The following PHF8 variants were observed in gnomAD, a reference collection of about 807,000 sequenced individuals.
PHF8 encodes histone lysine demethylase PHF8.
PHF8 carries 9 observed loss-of-function variants against 74.4 expected under a neutral mutation model. The observed-to-expected ratio is 0.12, with a 90% confidence interval of 0.07 to 0.21. The LOEUF (loss-of-function observed/expected upper bound fraction) is 0.21. PHF8 is among the 10% of genes least tolerant of loss of function. PHF8 has a pLI of 1.00. For synonymous variants in PHF8, 311 were observed against 316.6 expected, an observed-to-expected ratio of 0.98 and a Z score of 0.19; for missense variants, 478 against 816.6, an observed-to-expected ratio of 0.59 and a Z score of 5.05.
chrX:53,990,366 A>C (rs1448577125), intron 14 of PHF8, among the ~76,000 whole-genome samples: 5 of 111,120 alleles, frequency 4.5e-5, no homozygotes, highest in African/African-American at 1.6e-4. Flanking sequence ...TACTTTGACT[A>C]TCTGGGTTCA....
At chrX:54,044,889 A>G (rs1557117097), upstream of PHF8, 2 of 1,156,513 alleles carry the variant, frequency 1.7e-6, no homozygotes, top group Admixed American at 2.6e-5. Flanking sequence ...GCTCCTGTTC[A>G]TTGAGCACCT....
intron 8 of PHF8, among the ~76,000 whole-genome samples, chrX:54,004,904 C>T (rs782154576): frequency 3.9e-5 from 4 of 101,352 alleles, no homozygotes; most frequent in African/African-American, 1.6e-4. Context: ...AGCCTGGGTG[C>T]TAGAGAGAAA....
rs782139820 is a variant in PHF8, at chrX:54,040,693, G to C, written c.98+1938C>G. 1.3e-3 allele frequency among the ~76,000 whole-genome samples: 150 copies of C among 111,751 alleles called. 1 individual carries two copies. Among genetic ancestry groups the C allele is most frequent in the African/African-American group, 4.7e-3 (145 of 30,765 alleles). ...TTGCTAGGACATAAAGAACAAGAGA[G>C]GAGGAGTGGCAGGAAATGAGAATAA... is the stretch of plus-strand genomic sequence containing the variant. On this transcript the variant is annotated intron_variant, in intron 2 of 21. Coordinates refer to ENST00000338154, the MANE Select transcript of PHF8 (RefSeq NM_015107.3).
At chrX:53,959,214 A>G (rs1199321663) in intron 19 of PHF8, among the ~76,000 whole-genome samples, 1 of 111,844 alleles carries the variant, frequency 8.9e-6, no homozygotes, top group East Asian at 2.8e-4. Flanking sequence ...ATGTTAATAA[A>G]CTTGACAGCA....
At chrX:53,966,480 A>G (rs1259381229) in intron 18 of PHF8, among the ~76,000 whole-genome samples, 1 of 112,802 alleles carries the variant, frequency 8.9e-6, no homozygotes. Context: ...GTGATCCGCC[A>G]GCCTCGGCCT....
chrX:53,997,876 AG>A (rs1256419855), intron 11 of PHF8, among the ~76,000 whole-genome samples: 1 of 111,682 alleles, frequency 9.0e-6, no homozygotes, highest in Non-Finnish European at 1.9e-5. Context: ...CCAGGGAGCA[AG>A]GGAAGGCTCA....
chrX:53,940,929 T>G (rs1470568369), intron 20 of PHF8, among the ~76,000 whole-genome samples: 4 of 112,501 alleles, frequency 3.6e-5, no homozygotes, highest in African/African-American at 1.3e-4. Context: ...ATCCTAATTT[T>G]ACATATGAGA....
At chrX:54,007,108 C>T (rs1285418366) in intron 8 of PHF8, among the ~76,000 whole-genome samples, 3 of 111,184 alleles carry the variant, frequency 2.7e-5, no homozygotes, top group Non-Finnish European at 5.7e-5. Flanking sequence ...AGAAATAAAC[C>T]CTTATCTTTG....
rs1415088276 is a variant in PHF8, at chrX:54,017,800, C to T, written c.315G>A (p.Lys105=). Residue 105 remains lysine (K), a synonymous_variant, in exon 5 of 22, where the codon AAG becomes AAA. Coordinates refer to ENST00000338154, the MANE Select transcript of PHF8 (RefSeq NM_015107.3). ...TFDSSDEVIL[K]PTGNQLTVEF... ...CCACGGTCAGTTGATTTCCAGTGGG[C>T]TTCAGAATCACTTCATCTGAGCTGT... 8.3e-7 allele frequency: 1 copy of T among 1,209,030 alleles called. No homozygotes were observed. The highest frequency in any genetic ancestry group is 3.0e-5 in the East Asian group (1 of 33,761).
intron 2 of PHF8, among the ~76,000 whole-genome samples, chrX:54,035,744 G>A (rs1281343283): frequency 2.7e-5 from 3 of 111,160 alleles, no homozygotes; most frequent in African/African-American, 9.8e-5. Context: ...ATTTGAGGCT[G>A]CAGTAAACCA....
chrX:53,949,805 C>A (rs1557086416), intron 19 of PHF8, among the ~76,000 whole-genome samples: 1 of 79,574 alleles, frequency 1.3e-5, no homozygotes, highest in South Asian at 6.3e-4. Flanking sequence ...GAGCAAGACT[C>A]CGTCTCAAAA....
chrX:53,965,309 C>T (rs189031904), intron 18 of PHF8, among the ~76,000 whole-genome samples: 57 of 112,213 alleles, frequency 5.1e-4, no homozygotes, highest in Non-Finnish European at 8.1e-4. Flanking sequence ...GTCAGAACAA[C>T]TTTTATGGAA....
chrX:53,955,556 T>C (rs1333043149), intron 19 of PHF8, among the ~76,000 whole-genome samples: 1 of 40,490 alleles, frequency 2.5e-5, no homozygotes, highest in South Asian at 2.5e-3. Flanking sequence ...TCTCTTCTTT[T>C]CTTTTTTTTT....
chrX:53,983,875 AC>A (rs1486618712), intron 18 of PHF8, among the ~76,000 whole-genome samples: 1 of 112,167 alleles, frequency 8.9e-6, no homozygotes, highest in Non-Finnish European at 1.9e-5. Flanking sequence ...GCAGAACCAC[AC>A]ACACTAAAAC....
chrX:53,971,918 T>C (rs1248303398), intron 18 of PHF8, among the ~76,000 whole-genome samples: 2 of 111,451 alleles, frequency 1.8e-5, no homozygotes, highest in Non-Finnish European at 3.8e-5. Context: ...GAAGAGCTGG[T>C]ACCATTTCTA....
At chrX:54,045,849 A>G (rs2066629162), upstream of PHF8, among the ~76,000 whole-genome samples, 1 of 112,249 alleles carries the variant, frequency 8.9e-6, no homozygotes, top group African/African-American at 3.2e-5. Context: ...AATGCAAAAG[A>G]GTTTAGATTG....
chrX:53,940,418 T>C lies in PHF8; in HGVS notation c.2748A>G (p.Thr916=), dbSNP rs1557083160. Residue 916 remains threonine, a synonymous_variant, in exon 21 of 22, where the codon ACA becomes ACG. Transcript: ENST00000338154. ...TGGCAGCCACAGTGGGGGCTGGTAC[T>C]GTCAGACTGAGATTGGAGTCTTGAG... ...PRPQDSNLSL[T]VPAPTVAATP... 8.3e-7 allele frequency: 1 copy of C among 1,208,011 alleles called. No homozygotes were observed. The highest frequency in any genetic ancestry group is 2.2e-5 in the Admixed American group (1 of 45,972).
intron 18 of PHF8, among the ~76,000 whole-genome samples, chrX:53,977,946 T>C (rs2065410059): frequency 1.3e-5 from 1 of 78,164 alleles, no homozygotes; most frequent in Non-Finnish European, 2.5e-5. Flanking sequence ...GCGCCCGGCC[T>C]TTTTTTTTTT....
chrX:54,031,921 G>A (rs2066364886), intron 2 of PHF8, among the ~76,000 whole-genome samples: 1 of 111,459 alleles, frequency 9.0e-6, no homozygotes. Context: ...ACTGGGTTGG[G>A]CCTATAAACG....
Sources: gnomAD v4.1 joint callset for allele counts (sites outside exome capture counted in the v4.1 genomes callset) on GRCh38, gnomAD v4.1.1 for gene constraint, MANE v1.5 for transcripts, NCBI Gene and HGNC (gene_info 2026-07-23, HGNC 2026-07-21) for gene names.